The following PKP2 variants were observed in gnomAD, a reference collection of about 807,000 sequenced individuals.
The protein encoded by PKP2 is plakophilin 2.
In PKP2, 73 loss-of-function variants were observed where a neutral mutation model predicts 83.4. That is an observed-to-expected ratio of 0.88 (90% confidence interval 0.72 to 1.06). The LOEUF is 1.06. Among genes scored for constraint, PKP2 ranks in the 50% least tolerant of loss-of-function variants. PKP2 has a pLI of 0.00. For synonymous variants in PKP2, 409 were observed against 430.4 expected, an observed-to-expected ratio of 0.95 and a Z score of 0.62; for missense variants, 966 against 1,065.4, an observed-to-expected ratio of 0.91 and a Z score of 1.30.
At chr12:32,853,508 C>CT (rs71447625) in intron 4 of PKP2, among the ~76,000 whole-genome samples, 65,296 of 138,086 alleles carry the variant, frequency 0.47, 16,547 homozygotes, top group African/African-American at 0.66. Context: ...TAAATTCATA[C>CT]TTTTTTTTTT....
At position 32,892,759 on chromosome 12, in the gene PKP2, A is replaced by G. The variant is rs1957084853; in HGVS notation, c.223+3750T>C. ...TAGGAGATTGTTCACTGTCCTTTAT[A>G]AGTAGTAAATACAATTTAAAACACA... On this transcript the variant is annotated intron_variant, in intron 1 of 12. Transcript: ENST00000340811. Among the ~76,000 whole-genome samples the G allele has an allele frequency of 2.8e-5, 4 of 141,508 alleles. No homozygotes were observed. In the Admixed American group the frequency reaches 3.0e-4, roughly 10 times the overall value. The allele number at this position is 141,508 out of a possible 152,430, so 92.8% of individuals were successfully genotyped here. A position where few individuals can be genotyped will look rare whatever the true frequency, so the allele number is the denominator to read the frequency against.
intron 4 of PKP2, among the ~76,000 whole-genome samples, chr12:32,860,334 A>T (rs1223531428): frequency 6.6e-6 from 1 of 152,170 alleles, no homozygotes; most frequent in African/African-American, 2.4e-5. Context: ...TGGTATGAGG[A>T]AACTGTCTGA....
At chr12:32,868,615 T>C (rs903897831) in intron 4 of PKP2, among the ~76,000 whole-genome samples, 7 of 152,070 alleles carry the variant, frequency 4.6e-5, no homozygotes, top group African/African-American at 1.2e-4. Context: ...CTCCGCCTTC[T>C]GGCTTCAAGT....
At chr12:32,809,646 C>T (rs1956259425) in intron 9 of PKP2, among the ~76,000 whole-genome samples, 1 of 152,214 alleles carries the variant, frequency 6.6e-6, no homozygotes. Flanking sequence ...AAACTCTTGT[C>T]TCTGTGTGTA....
chr12:32,798,418 T>C (rs1387360478), intron 10 of PKP2, among the ~76,000 whole-genome samples: 1 of 152,064 alleles, frequency 6.6e-6, no homozygotes, highest in Non-Finnish European at 1.5e-5. Context: ...AAATAAACTA[T>C]TTTAAATGTA....
intron 4 of PKP2, among the ~76,000 whole-genome samples, chr12:32,865,643 G>T (rs527960873): frequency 7.3e-6 from 1 of 136,568 alleles, no homozygotes; most frequent in Non-Finnish European, 1.5e-5. Flanking sequence ...GCAAGATTGC[G>T]CCACTGCATT....
intron 6 of PKP2, among the ~76,000 whole-genome samples, chr12:32,829,520 G>A (rs947967187): frequency 2.6e-5 from 4 of 151,934 alleles, no homozygotes; most frequent in African/African-American, 4.8e-5. Context: ...GATTACAGAC[G>A]TGAGCCACCG....
intron 9 of PKP2, among the ~76,000 whole-genome samples, chr12:32,816,407 G>C (rs190239151): frequency 3.3e-5 from 5 of 152,220 alleles, no homozygotes; most frequent in Admixed American, 3.3e-4. Context: ...TTGCTGCAAA[G>C]GACATGATTT....
In PKP2 at chr12:32,798,382, C is replaced by T. The variant is rs185824498; in HGVS notation, c.2168-2084G>A. On this transcript the variant is annotated intron_variant, in intron 10 of 12. Coordinates refer to ENST00000340811, the MANE Select transcript of PKP2 (RefSeq NM_001005242.3). The stretch of plus-strand genomic sequence containing the variant: ...CTGGGATTACAGGCGTGAGCCACTG[C>T]GCCTGGCCTACTATTTTAAAAAGAG... Among the ~76,000 whole-genome samples the T allele has an allele frequency of 4.9e-3, 752 of 152,004 alleles. 8 individuals are homozygous for T. The highest frequency in any genetic ancestry group is 0.017 in the African/African-American group (698 of 41,496).
chr12:32,844,872 T>A (rs1340495933), intron 5 of PKP2, among the ~76,000 whole-genome samples: 3 of 152,156 alleles, frequency 2.0e-5, no homozygotes, highest in South Asian at 4.1e-4. Flanking sequence ...AAGATTCCAG[T>A]TTGGGCATGA....
At chr12:32,867,510 C>T (rs1956860166) in intron 4 of PKP2, among the ~76,000 whole-genome samples, 1 of 151,990 alleles carries the variant, frequency 6.6e-6, no homozygotes, top group Admixed American at 6.6e-5. Flanking sequence ...CAGATTGTAC[C>T]TCAATAAGGT....
Position 32,796,159 on chromosome 12 carries a change from A to G in PKP2, c.2307T>C (p.Leu769=), listed in dbSNP as rs1376929427. 6.2e-7 allele frequency: 1 copy of G among 1,614,100 alleles called. No individual in the cohort carries two copies. Among genetic ancestry groups the G allele is most frequent in the African/African-American group, 1.3e-5 (1 of 75,004 alleles). ...IQNSYQNARD[L]LNTGGIQKIM... Reference sequence around the variant, plus strand: ...TTTTCTGGATGCCCCCGGTGTTTAGAAGGTCGCGTGCATTCTGGTAACTGT... The same window carrying G: ...TTTTCTGGATGCCCCCGGTGTTTAGGAGGTCGCGTGCATTCTGGTAACTGT... Residue 769 remains leucine, a synonymous_variant, in exon 11 of 13, where the codon CTT becomes CTC. Transcript: ENST00000340811.
intron 6 of PKP2, among the ~76,000 whole-genome samples, chr12:32,829,580 TG>T (rs1369424503): frequency 1.3e-5 from 2 of 152,074 alleles, no homozygotes; most frequent in Non-Finnish European, 2.9e-5. Context: ...TACTTGATAA[TG>T]GGTATGGTTT....
chr12:32,820,273 C>T (rs1956363639), intron 9 of PKP2: 1 of 152,132 alleles, frequency 6.6e-6, no homozygotes, highest in African/African-American at 2.4e-5. Flanking sequence ...CTTTTCTCTA[C>T]AGAGATAATT....
intron 4 of PKP2, among the ~76,000 whole-genome samples, chr12:32,865,680 T>TGAAAAAAAAAAAAA (rs1416422962): frequency 2.1e-5 from 1 of 48,702 alleles, no homozygotes; most frequent in Admixed American, 1.7e-4. Context: ...TGACTCCGTC[T>TGAAAAAAAAAAAAA]CAAAAAAAAA....
Position 32,802,380 on chromosome 12 carries a change from CATAG to C in PKP2, c.2167+19_2167+22del. ...GTATCTTCAGCATGTACATATTACACATAGATACTTATACCGACTCACCAATTTC... is the reference window on the plus strand; with the variant it reads ...GTATCTTCAGCATGTACATATTACACATACTTATACCGACTCACCAATTTC... On this transcript the variant is annotated intron_variant, in intron 10 of 12. Transcript: ENST00000340811. 6.2e-7 allele frequency: 1 copy of C among 1,608,770 alleles called. No homozygotes were observed. Among genetic ancestry groups the C allele is most frequent in the Non-Finnish European group, 8.5e-7 (1 of 1,175,470 alleles).
At chr12:32,828,910 T>C (rs1030224932) in intron 6 of PKP2, among the ~76,000 whole-genome samples, 8 of 151,242 alleles carry the variant, frequency 5.3e-5, no homozygotes, top group East Asian at 3.9e-4. Context: ...ACAAAATAAA[T>C]AACTTTAGGA....
chr12:32,882,337 G>A (rs1281406531), intron 1 of PKP2, among the ~76,000 whole-genome samples: 1 of 152,084 alleles, frequency 6.6e-6, no homozygotes, highest in Non-Finnish European at 1.5e-5. Context: ...GGTGATGAAA[G>A]CAGGCAATTT....
intron 4 of PKP2, among the ~76,000 whole-genome samples, chr12:32,866,428 G>A (rs1343538631): frequency 1.3e-5 from 2 of 151,636 alleles, no homozygotes; most frequent in East Asian, 1.9e-4. Context: ...TAGTGCACCG[G>A]TAGGCCCAGC....
Sources: gnomAD v4.1 joint callset for allele counts (sites outside exome capture counted in the v4.1 genomes callset) on GRCh38, gnomAD v4.1.1 for gene constraint, MANE v1.5 for transcripts, NCBI Gene and HGNC (gene_info 2026-07-23, HGNC 2026-07-21) for gene names.